Variants in MAPK10 observed in about 807,000 individuals in gnomAD.
The protein encoded by MAPK10 is mitogen-activated protein kinase 10.
Under a neutral mutation model 59.3 loss-of-function variants are expected in MAPK10, and 25 were observed. The observed-to-expected ratio is 0.42, with a 90% CI of 0.31 to 0.59. The LOEUF is 0.59. Ranked by LOEUF, MAPK10 falls within the 20% of genes least tolerant of loss-of-function variation. MAPK10 has a pLI of 0.15. For missense variants in MAPK10, 351 were observed against 568.9 expected, an observed-to-expected ratio of 0.62 and a Z score of 3.90; for synonymous variants, 190 against 200.5, an observed-to-expected ratio of 0.95 and a Z score of 0.44.
intron 1 of MAPK10, among the ~76,000 whole-genome samples, chr4:86,462,378 T>A (rs1434570148): frequency 6.6e-6 from 1 of 152,096 alleles, no homozygotes; most frequent in African/African-American, 2.4e-5. Context: ...GTGCTGTATG[T>A]GGAAATGGGG....
chr4:86,473,302 G>A (rs766579774), intron 1 of MAPK10, among the ~76,000 whole-genome samples: 4 of 152,086 alleles, frequency 2.6e-5, no homozygotes, highest in Admixed American at 6.5e-5. Flanking sequence ...ATCACATATC[G>A]ACCTTAGGGA....
chr4:86,323,066 T>C (rs776689932), intron 2 of MAPK10, among the ~76,000 whole-genome samples: 18 of 152,172 alleles, frequency 1.2e-4, no homozygotes, highest in Non-Finnish European at 2.2e-4. Flanking sequence ...TCCCAGCTAC[T>C]CTGGGGCTGA....
At chr4:86,528,145 C>T (rs1757610585) in intron 1 of MAPK10, among the ~76,000 whole-genome samples, 3 of 152,004 alleles carry the variant, frequency 2.0e-5, no homozygotes, top group Non-Finnish European at 2.9e-5. Flanking sequence ...CCCTCTGAAT[C>T]TATAATAAAA....
intron 1 of MAPK10, among the ~76,000 whole-genome samples, chr4:86,551,864 C>A (rs1759817388): frequency 1.3e-5 from 2 of 152,176 alleles, no homozygotes; most frequent in Admixed American, 6.5e-5. Context: ...CTCAGCCTCC[C>A]AAAGTGCTGG....
chr4:86,208,578 T>C (rs2084847842), intron 2 of MAPK10, among the ~76,000 whole-genome samples: 1 of 151,850 alleles, frequency 6.6e-6, no homozygotes, highest in African/African-American at 2.4e-5. Flanking sequence ...TAGATATTGA[T>C]GGGACGTATC....
intron 1 of MAPK10, among the ~76,000 whole-genome samples, chr4:86,417,102 T>A (rs929596610): frequency 6.6e-6 from 1 of 152,246 alleles, no homozygotes; most frequent in African/African-American, 2.4e-5. Flanking sequence ...TACCTGGTAC[T>A]CATAGAATTA....
intron 2 of MAPK10, among the ~76,000 whole-genome samples, chr4:86,209,799 A>G (rs1292657976): frequency 6.6e-6 from 1 of 152,136 alleles, no homozygotes; most frequent in Non-Finnish European, 1.5e-5. Flanking sequence ...TGGAGCCACA[A>G]AATACCCAGA....
chr4:86,538,339 T>C (rs553120924), intron 1 of MAPK10, among the ~76,000 whole-genome samples: 9 of 152,068 alleles, frequency 5.9e-5, no homozygotes, highest in South Asian at 2.1e-4. Context: ...AGAGATGGAG[T>C]TTCTCCATGT....
chr4:86,107,721 T>C (rs1016543458), intron 4 of MAPK10: 1 of 929,874 alleles, frequency 1.1e-6, no homozygotes, highest in South Asian at 5.0e-5. Flanking sequence ...CATGTGACTA[T>C]GGCAAGTCAT....
At chr4:86,534,704 G>C (rs1035338991) in intron 1 of MAPK10, among the ~76,000 whole-genome samples, 1 of 152,096 alleles carries the variant, frequency 6.6e-6, no homozygotes, top group East Asian at 1.9e-4. Flanking sequence ...TCAGGAGTTC[G>C]AGACCAGCCT....
At chr4:86,224,611 A>G (rs2090290561) in intron 2 of MAPK10, among the ~76,000 whole-genome samples, 1 of 152,206 alleles carries the variant, frequency 6.6e-6, no homozygotes, top group Admixed American at 6.5e-5. Context: ...TGAGGAATGA[A>G]TTAAAGAAGG....
chr4:86,354,718 A>G (rs900349876), intron 1 of MAPK10, 74 bp from the exon 2 acceptor site: 2 of 519,694 alleles, frequency 3.8e-6, no homozygotes, highest in African/African-American at 3.9e-5. Context: ...CAAAAAGCTG[A>G]CATCAAAGAC....
chr4:86,135,939 T>C (rs966609064), intron 4 of MAPK10, among the ~76,000 whole-genome samples: 3 of 151,946 alleles, frequency 2.0e-5, no homozygotes, highest in Admixed American at 1.3e-4. Context: ...GTATCAGCAA[T>C]GGAAGATGAA....
intron 2 of MAPK10, among the ~76,000 whole-genome samples, chr4:86,273,574 G>A (rs1272599940): frequency 1.3e-5 from 2 of 151,308 alleles, no homozygotes; most frequent in Non-Finnish European, 1.5e-5. Flanking sequence ...TACATAAAAC[G>A]GCCTGGTAGC....
chr4:86,099,695 T>G (rs2054957574), intron 8 of MAPK10: 1 of 152,320 alleles, frequency 6.6e-6, no homozygotes, highest in Non-Finnish European at 1.5e-5. Flanking sequence ...TACCAGCTAT[T>G]GGTAGTGCCA....
intron 1 of MAPK10, among the ~76,000 whole-genome samples, chr4:86,517,634 C>T (rs1288716212): frequency 6.6e-6 from 1 of 152,004 alleles, no homozygotes. Context: ...AGGATTTTTG[C>T]ATCTCTGTCC....
chr4:86,521,601 T>C (rs1432235261), intron 1 of MAPK10, among the ~76,000 whole-genome samples: 1 of 151,950 alleles, frequency 6.6e-6, no homozygotes, highest in Non-Finnish European at 1.5e-5. Flanking sequence ...GTGACAGACA[T>C]CACCCAGCTC....
chr4:86,068,407 A>T (rs1227728927), intron 9 of MAPK10, among the ~76,000 whole-genome samples: 1 of 152,146 alleles, frequency 6.6e-6, no homozygotes, highest in Non-Finnish European at 1.5e-5. Flanking sequence ...ATATTCATTT[A>T]CATTTTCCTA....
intron 6 of MAPK10, chr4:86,102,287 C>T (rs2055578010): frequency 2.7e-6 from 1 of 371,840 alleles, no homozygotes; most frequent in African/African-American, 2.0e-5. Flanking sequence ...TTTGCTTTCA[C>T]TTTCCCCTGT....
Sources: allele counts gnomAD v4.1 joint callset (sites outside exome capture counted in the v4.1 genomes callset), GRCh38; gene constraint gnomAD v4.1.1; transcripts MANE v1.5; gene names NCBI Gene and HGNC (gene_info 2026-07-23, HGNC 2026-07-21).